Variants in CSMD1 observed in about 807,000 individuals in gnomAD.
CSMD1 encodes CUB and sushi domain-containing protein 1.
A neutral mutation model predicts 417.5 loss-of-function variants in CSMD1; 213 were observed. That is an observed-to-expected ratio of 0.51 (90% CI 0.46 to 0.57). The LOEUF is 0.57. Among genes scored for constraint, CSMD1 ranks in the 20% least tolerant of loss-of-function variants. CSMD1 has a pLI of 0.00. For missense variants in CSMD1, 6,923 were observed against 4,529.7 expected (o/e 1.53, Z -15.17); for synonymous variants, 2,862 against 1,736.8 (o/e 1.65, Z -16.11).
intron 3 of CSMD1, among the ~76,000 whole-genome samples, chr8:4,181,012 CA>C (rs1798341035): frequency 6.6e-6 from 1 of 151,872 alleles, no homozygotes; most frequent in African/African-American, 2.4e-5. Flanking sequence ...GGAATAAAAG[CA>C]AAAAAGTCCA....
At chr8:3,305,144 G>C (rs947515694) in intron 25 of CSMD1, among the ~76,000 whole-genome samples, 1 of 152,116 alleles carries the variant, frequency 6.6e-6, no homozygotes, top group African/African-American at 2.4e-5. Flanking sequence ...TCCCCTCAAA[G>C]AAAGTGCTGG....
intron 1 of CSMD1, among the ~76,000 whole-genome samples, chr8:4,640,028 A>G (rs1346806549): frequency 6.6e-6 from 1 of 152,220 alleles, no homozygotes; most frequent in Non-Finnish European, 1.5e-5. Context: ...TTGATTATAA[A>G]TTGGAAAAAA....
rs565155491 is a variant in CSMD1, at chr8:4,343,141, C to T, written c.415+76812G>A. ...CTCTCCAAAACATAAAAACAGATGC[C>T]ACATGAAATGGGCAATGTATTTGGT... On this transcript the variant is annotated intron_variant, in intron 3 of 69. Coordinates refer to ENST00000635120, the MANE Select transcript of CSMD1 (RefSeq NM_033225.6). 2.0e-4 allele frequency among the ~76,000 whole-genome samples: 31 copies of T among 152,136 alleles called. No individual in the cohort carries two copies. In the East Asian group the frequency reaches 3.5e-3, roughly 17 times the overall value.
chr8:4,452,598 G>A (rs372517768), intron 2 of CSMD1, among the ~76,000 whole-genome samples: 14 of 152,136 alleles, frequency 9.2e-5, no homozygotes, highest in Admixed American at 3.3e-4. Flanking sequence ...AACCGGTAAC[G>A]AAAAAGATAA....
At chr8:2,938,790 C>G (rs1267381331) in intron 69 of CSMD1, 46 bp from the exon 70 acceptor site, 4 of 1,523,098 alleles carry the variant, frequency 2.6e-6, no homozygotes, top group Non-Finnish European at 3.6e-6. Flanking sequence ...GTTTCATTTG[C>G]AGATTTAGCA....
chr8:3,592,813 A>G (rs1216547497), intron 8 of CSMD1, among the ~76,000 whole-genome samples: 2 of 152,170 alleles, frequency 1.3e-5, no homozygotes, highest in Admixed American at 6.5e-5. Context: ...TTCCAAATTC[A>G]CAGTGGGATC....
intron 7 of CSMD1, among the ~76,000 whole-genome samples, chr8:3,630,205 G>C (rs947566557): frequency 6.6e-6 from 1 of 152,208 alleles, no homozygotes; most frequent in Non-Finnish European, 1.5e-5. Context: ...TCCTGGGAGG[G>C]AGAAATTAAT....
chr8:4,197,161 T>C (rs1406483724), intron 3 of CSMD1, among the ~76,000 whole-genome samples: 1 of 152,178 alleles, frequency 6.6e-6, no homozygotes, highest in Non-Finnish European at 1.5e-5. Flanking sequence ...TCACCTGTTC[T>C]CCTACGGTCA....
chr8:3,442,663 T>C (rs1815060277), intron 12 of CSMD1, among the ~76,000 whole-genome samples: 1 of 152,170 alleles, frequency 6.6e-6, no homozygotes, highest in Non-Finnish European at 1.5e-5. Flanking sequence ...ACTGTTGAAA[T>C]CATCTAACAA....
chr8:3,952,352 C>T (rs1187719219), intron 5 of CSMD1, among the ~76,000 whole-genome samples: 1 of 152,206 alleles, frequency 6.6e-6, no homozygotes, highest in Non-Finnish European at 1.5e-5. Context: ...CAACCATCTT[C>T]TGTTGAACCA....
intron 4 of CSMD1, among the ~76,000 whole-genome samples, chr8:4,000,677 C>G (rs1216071969): frequency 2.0e-5 from 3 of 152,184 alleles, no homozygotes; most frequent in East Asian, 1.9e-4. Flanking sequence ...TTAAATAACT[C>G]TATATAAACA....
chr8:2,970,904 A>G (rs923146814), intron 57 of CSMD1, among the ~76,000 whole-genome samples: 3 of 152,212 alleles, frequency 2.0e-5, no homozygotes, highest in Non-Finnish European at 4.4e-5. Flanking sequence ...GGATTAAACA[A>G]ACTTCACAAA....
At chr8:3,827,709 G>A (rs562122268) in intron 5 of CSMD1, among the ~76,000 whole-genome samples, 1 of 152,278 alleles carries the variant, frequency 6.6e-6, no homozygotes, top group African/African-American at 2.4e-5. Flanking sequence ...AGTTTTGTCA[G>A]GATTTATTCC....
intron 7 of CSMD1, among the ~76,000 whole-genome samples, chr8:3,660,240 G>A (rs1168722606): frequency 2.6e-5 from 4 of 152,116 alleles, no homozygotes; most frequent in Non-Finnish European, 4.4e-5. Context: ...GCTATTTACT[G>A]TCTGTGGGAT....
chr8:4,109,168 C>T lies in CSMD1; in HGVS notation c.416-77069G>A, dbSNP rs144703708. Among the ~76,000 whole-genome samples the T allele has an allele frequency of 4.3e-3, 647 of 152,160 alleles. 11 individuals carry two copies. Among genetic ancestry groups the T allele is most frequent in the African/African-American group, 0.015 (619 of 41,514 alleles). The stretch of plus-strand genomic sequence containing the variant: ...TAAATGCTATGTAAATAGTGTTATG[C>T]TGTATTATTCATGGAATAATAGCCA... On this transcript the variant is annotated intron_variant, in intron 3 of 69. Transcript: ENST00000635120.
chr8:4,396,042 T>A (rs796995660), intron 3 of CSMD1, among the ~76,000 whole-genome samples: 39 of 152,324 alleles, frequency 2.6e-4, no homozygotes, highest in African/African-American at 9.4e-4. Context: ...AAGGAGTAGC[T>A]AGCTATAATG....
In CSMD1 at chr8:3,925,681, TCTC is replaced by T. The variant is rs1432452853; in HGVS notation, c.818+72219_818+72221del. ...TCCACTTTTGCCTCCTCCTCATTTT[TCTC>T]TTGCCACCACCACGTAAGAAGTGCC... On this transcript the variant is annotated intron_variant, in intron 5 of 69. Coordinates refer to ENST00000635120, the MANE Select transcript of CSMD1 (RefSeq NM_033225.6). 1.7e-4 allele frequency among the ~76,000 whole-genome samples: 26 copies of T among 152,080 alleles called. No homozygotes were observed. In the East Asian group the frequency reaches 3.9e-3, roughly 23 times the overall value.
chr8:3,341,277 A>G (rs76426206), intron 23 of CSMD1, among the ~76,000 whole-genome samples: 1,729 of 152,208 alleles, frequency 0.011, 40 homozygotes, highest in African/African-American at 0.039. Flanking sequence ...GGACCTTCCT[A>G]ACTGCTACCT....
At chr8:4,189,165 G>A (rs544882777) in intron 3 of CSMD1, among the ~76,000 whole-genome samples, 3 of 152,312 alleles carry the variant, frequency 2.0e-5, no homozygotes, top group East Asian at 1.9e-4. Context: ...GTTCACAGAA[G>A]GTGCACACAC....
Sources: allele counts gnomAD v4.1 joint callset (sites outside exome capture counted in the v4.1 genomes callset), GRCh38; gene constraint gnomAD v4.1.1; transcripts MANE v1.5; gene names NCBI Gene and HGNC (gene_info 2026-07-23, HGNC 2026-07-21).